The following SIM1 variants were observed in gnomAD, a reference collection of about 807,000 sequenced individuals.
The protein encoded by SIM1 is single-minded homolog 1.
Under a neutral mutation model 78.2 loss-of-function variants are expected in SIM1, and 18 were observed. The observed-to-expected ratio is 0.23, with a 90% CI of 0.16 to 0.34. The LOEUF (loss-of-function observed/expected upper bound fraction) is 0.34. Ranked by LOEUF, SIM1 falls within the 10% of genes least tolerant of loss-of-function variation. The probability of loss-of-function intolerance (pLI) is 1.00; values close to 1 mark genes in which losing one functional copy is unlikely to be tolerated. For synonymous variants in SIM1, 417 were observed against 385.2 expected (o/e 1.08, Z -0.97); for missense variants, 939 against 975.1 (o/e 0.96, Z 0.49).
chr6:100,412,746 AG>A (rs879614971), intron 10 of SIM1, among the ~76,000 whole-genome samples: 4,085 of 142,504 alleles, frequency 0.029, 113 homozygotes, highest in Middle Eastern at 0.054. Context: ...AAAGAAAGAA[AG>A]AAAGAAAAAA....
chr6:100,458,476 A>G (rs928935676), intron 2 of SIM1, among the ~76,000 whole-genome samples: 1 of 152,230 alleles, frequency 6.6e-6, no homozygotes, highest in Admixed American at 6.5e-5. Context: ...CCTAAGGTTT[A>G]GACGACTGCT....
At chr6:100,417,205 C>T (rs1771425973) in intron 10 of SIM1, among the ~76,000 whole-genome samples, 2 of 152,260 alleles carry the variant, frequency 1.3e-5, no homozygotes, top group Middle Eastern at 3.4e-3. Context: ...CTGAGTTCTA[C>T]CCTCGACGCT....
At chr6:100,410,105 A>G (rs1771156678) in intron 10 of SIM1, among the ~76,000 whole-genome samples, 2 of 152,246 alleles carry the variant, frequency 1.3e-5, no homozygotes, top group Admixed American at 6.5e-5. Flanking sequence ...AAAGAAATCT[A>G]TATTTCTCAG....
At chr6:100,458,015 TCTCTCTCTCTCTCTC>T (rs1562064218) in intron 2 of SIM1, among the ~76,000 whole-genome samples, 3 of 10,964 alleles carry the variant, frequency 2.7e-4, no homozygotes, top group African/African-American at 7.0e-4. Context: ...TTTCTCTCTC[TCTCTCTCTCTCTCTC>T]TCTCTCTCTC....
chr6:100,448,082 C>G, intron 8 of SIM1, 64 bp downstream of exon 8: 4 of 1,338,942 alleles, frequency 3.0e-6, no homozygotes, highest in Non-Finnish European at 4.1e-6. Flanking sequence ...AATCGTGGCT[C>G]CCCCACCCCC....
chr6:100,431,031 C>T (rs1771887126), intron 9 of SIM1, among the ~76,000 whole-genome samples: 1 of 152,204 alleles, frequency 6.6e-6, no homozygotes. Context: ...CCAAACCTCA[C>T]AGCACGGTTG....
At chr6:100,444,123 A>G (rs183022573) in intron 9 of SIM1, among the ~76,000 whole-genome samples, 48 of 139,574 alleles carry the variant, frequency 3.4e-4, no homozygotes, top group African/African-American at 1.2e-3. Flanking sequence ...TTTTCTTTAC[A>G]TTAAAAACTA....
chr6:100,453,915 C>T (rs1027730182), intron 2 of SIM1, 71 bp from the exon 3 acceptor site: 26 of 1,173,742 alleles, frequency 2.2e-5, no homozygotes, highest in Non-Finnish European at 3.2e-5. Context: ...CCAAGTCCCG[C>T]GACTGTATTA....
intron 4 of SIM1, 110 bp downstream of exon 4, chr6:100,450,157 T>C (rs1772471481): frequency 4.8e-6 from 4 of 827,988 alleles, no homozygotes; most frequent in Non-Finnish European, 8.2e-6. Flanking sequence ...CTGTGAGATG[T>C]CCAGCTCCAG....
intron 2 of SIM1, among the ~76,000 whole-genome samples, chr6:100,454,869 T>C (rs1464956035): frequency 6.6e-6 from 1 of 152,202 alleles, no homozygotes; most frequent in Non-Finnish European, 1.5e-5. Context: ...TGTTAAGCTA[T>C]TTATGAGTAT....
chr6:100,406,909 C>T (rs923171778), intron 10 of SIM1, among the ~76,000 whole-genome samples: 2 of 151,616 alleles, frequency 1.3e-5, no homozygotes, highest in African/African-American at 4.8e-5. Flanking sequence ...AGTCACCATG[C>T]TCTACATTAG....
At chr6:100,435,078 T>C (rs1036086241) in intron 9 of SIM1, among the ~76,000 whole-genome samples, 3 of 152,190 alleles carry the variant, frequency 2.0e-5, no homozygotes, top group Non-Finnish European at 4.4e-5. Context: ...TGACTGTTGA[T>C]GCTAAAATTA....
intron 9 of SIM1, among the ~76,000 whole-genome samples, chr6:100,445,790 G>A (rs1279237846): frequency 3.3e-5 from 5 of 152,034 alleles, no homozygotes; most frequent in African/African-American, 7.2e-5. Context: ...AAGAATGTCC[G>A]TTTCCTTTCC....
intron 2 of SIM1, among the ~76,000 whole-genome samples, chr6:100,457,620 G>A (rs1772703367): frequency 6.6e-6 from 1 of 152,252 alleles, no homozygotes; most frequent in Admixed American, 6.5e-5. Flanking sequence ...CGCCTCCGCA[G>A]CCGAGCTCTT....
At chr6:100,446,753 C>T (rs768700603) in intron 9 of SIM1, among the ~76,000 whole-genome samples, 1 of 152,168 alleles carries the variant, frequency 6.6e-6, no homozygotes, top group African/African-American at 2.4e-5. Flanking sequence ...TAGCTTTCTA[C>T]GAGTTAAAGT....
At position 100,399,796 on chromosome 6, in the gene SIM1, T is replaced by C. The variant is rs918790841; in HGVS notation, c.1168-5907A>G. Among the ~76,000 whole-genome samples the C allele has an allele frequency of 3.9e-5, 6 of 152,152 alleles. No homozygotes were observed. In the East Asian group the frequency reaches 7.7e-4, roughly 20 times the overall value. Reference sequence around the variant, plus strand: ...ATCCATAAATGTGAATTGGCTTAAATCACCAATTTTAGAAAAGAATTTTCT... The same window carrying C: ...ATCCATAAATGTGAATTGGCTTAAACCACCAATTTTAGAAAAGAATTTTCT... On this transcript the variant is annotated intron_variant, in intron 10 of 11. Coordinates refer to ENST00000369208, the MANE Select transcript of SIM1 (RefSeq NM_005068.3).
chr6:100,390,431 T>C lies in SIM1; in HGVS notation c.2231A>G (p.His744Arg). ...TGCTGGGTCTGGTTGCATCCTCAGA[T>C]GGGAAGTTACATCAAAGTGTGAGCC... ...CNGSHFDVTS[H>R]LRMQPDPAQG... The change falls in exon 12 of 12, where the codon CAT (histidine) becomes CGT (arginine). Residue 744 changes from histidine (H) to arginine (R), a missense_variant. Physicochemically the swap from His to Arg is conservative, Grantham distance 29. Around this residue, in one of 5 missense-constraint regions of SIM1, gnomAD observed 556 missense variants for 521.9 expected, o/e 1.07. Transcript: ENST00000369208. 6.2e-7 allele frequency: 1 copy of C among 1,614,142 alleles called. No homozygotes were observed. Among genetic ancestry groups the C allele is most frequent in the Non-Finnish European group, 8.5e-7 (1 of 1,180,010 alleles).
At chr6:100,463,202 A>T in intron 2 of SIM1, 92 bp downstream of exon 2, 1 of 972,160 alleles carries the variant, frequency 1.0e-6, no homozygotes, top group Non-Finnish European at 1.4e-6. Flanking sequence ...GTAAATATGT[A>T]TGCATTTCTC....
At chr6:100,421,399 G>A (rs1771581549) in intron 9 of SIM1, among the ~76,000 whole-genome samples, 1 of 152,188 alleles carries the variant, frequency 6.6e-6, no homozygotes, top group Non-Finnish European at 1.5e-5. Context: ...TAGCTAACTA[G>A]TTTAAGCAGG....
Sources: gnomAD v4.1 joint callset for allele counts (sites outside exome capture counted in the v4.1 genomes callset) on GRCh38, gnomAD v4.1.1 for gene constraint, gnomAD v4.1.1 regional missense constraint, MANE v1.5 for transcripts, NCBI Gene and HGNC (gene_info 2026-07-23, HGNC 2026-07-21) for gene names.